Variants in IGDCC3 observed in about 807,000 individuals in gnomAD.
The protein encoded by IGDCC3 is putative neuronal cell adhesion molecule.
Under a neutral mutation model 72.0 loss-of-function variants are expected in IGDCC3, and 47 were observed. The ratio of observed to expected loss-of-function variants is 0.65; its 90% CI spans 0.52 to 0.83. IGDCC3 has a LOEUF of 0.83. IGDCC3 is among the 40% of genes least tolerant of loss of function. The probability of loss-of-function intolerance (pLI) is 0.00; values close to 1 mark genes in which losing one functional copy is unlikely to be tolerated. For missense variants in IGDCC3, 1,038 were observed against 1,091.3 expected, an observed-to-expected ratio of 0.95 and a Z score of 0.69; for synonymous variants, 477 against 472.8, an observed-to-expected ratio of 1.01 and a Z score of -0.11.
At chr15:65,375,933 G>A (rs977491598) in intron 1 of IGDCC3, among the ~76,000 whole-genome samples, 2 of 152,154 alleles carry the variant, frequency 1.3e-5, no homozygotes, top group Non-Finnish European at 2.9e-5. Context: ...CAGACTCAAA[G>A]GCACTATGAA....
chr15:65,360,102 C>T (rs1439748525), intron 2 of IGDCC3, among the ~76,000 whole-genome samples: 3 of 152,222 alleles, frequency 2.0e-5, no homozygotes, highest in African/African-American at 7.2e-5. Flanking sequence ...AAGAGATATA[C>T]TTGCTATTCC....
chr15:65,336,858 AC>A (rs1350078081), intron 2 of IGDCC3, among the ~76,000 whole-genome samples: 1 of 151,138 alleles, frequency 6.6e-6, no homozygotes, highest in Non-Finnish European at 1.5e-5. Context: ...AGCCCCTCCC[AC>A]TCGGGTTCCC....
At chr15:65,371,044 A>AACCCAC (rs1235808184) in intron 2 of IGDCC3, among the ~76,000 whole-genome samples, 1 of 152,260 alleles carries the variant, frequency 6.6e-6, no homozygotes, top group Non-Finnish European at 1.5e-5. Flanking sequence ...TTGCCACCAC[A>AACCCAC]ACCCACATTT....
intron 9 of IGDCC3, 137 bp from the exon 10 acceptor site, chr15:65,330,878 C>T: frequency 9.3e-7 from 1 of 1,077,582 alleles, no homozygotes; most frequent in Non-Finnish European, 1.3e-6. Flanking sequence ...ATGAAAGCAG[C>T]ACCTTCCTAG....
At chr15:65,345,356 C>A (rs1324770467) in intron 2 of IGDCC3, among the ~76,000 whole-genome samples, 1 of 152,070 alleles carries the variant, frequency 6.6e-6, no homozygotes, top group Non-Finnish European at 1.5e-5. Context: ...GAGTTTGAGA[C>A]CAGCTTGGGC....
In IGDCC3 at chr15:65,335,968, G is replaced by C; in HGVS notation, c.410-12C>G. On this transcript the variant is annotated splice_polypyrimidine_tract_variant and intron_variant, in intron 2 of 13. Coordinates refer to ENST00000327987, the MANE Select transcript of IGDCC3 (RefSeq NM_004884.4). Reference sequence around the variant, plus strand: ...GAAGTCCGACATGGCTGGGGGAAGAGAAGTGTATGAGTGCAGTGCGCTGCT... The same window carrying C: ...GAAGTCCGACATGGCTGGGGGAAGACAAGTGTATGAGTGCAGTGCGCTGCT... 6.2e-7 allele frequency: 1 copy of C among 1,614,010 alleles called. No homozygotes were observed. The highest frequency in any genetic ancestry group is 8.5e-7 in the Non-Finnish European group (1 of 1,179,922).
rs35238946 is a variant in IGDCC3 at position 65,358,104 on chromosome 15, A to AT, written c.409+16992dup. 4.6e-3 allele frequency among the ~76,000 whole-genome samples: 648 copies of AT among 139,860 alleles called. 4 individuals are homozygous for AT. The highest frequency in any genetic ancestry group is 0.026 in the East Asian group (126 of 4,832). 91.8% of individuals were successfully genotyped at this position (139,860 alleles called of 152,430 possible). On this transcript the variant is annotated intron_variant, in intron 2 of 13. Transcript: ENST00000327987. ...TTAGTTAGTAGCAGATCCAAGACAT[A>AT]TTTTTTTTTTTTTTTTTCTGAGACA... is the stretch of plus-strand genomic sequence containing the variant.
chr15:65,369,627 T>G (rs2091310913), intron 2 of IGDCC3, among the ~76,000 whole-genome samples: 1 of 152,056 alleles, frequency 6.6e-6, no homozygotes, highest in Non-Finnish European at 1.5e-5. Flanking sequence ...CGGGGGAGAC[T>G]TCCTCAGGCC....
intron 2 of IGDCC3, among the ~76,000 whole-genome samples, chr15:65,367,687 C>T (rs2091296510): frequency 1.3e-5 from 2 of 152,044 alleles, no homozygotes; most frequent in African/African-American, 4.8e-5. Flanking sequence ...CTCACTTCAG[C>T]TTGGTTGGGT....
rs773533250 is a variant in IGDCC3, at chr15:65,335,437, AC to A, written c.555-17del. On this transcript the variant is annotated splice_polypyrimidine_tract_variant and intron_variant, in intron 3 of 13. Coordinates refer to ENST00000327987, the MANE Select transcript of IGDCC3 (RefSeq NM_004884.4). ...CAATGTGTACCTGTTGAGGGGAGGG[AC>A]ATAGTTGGCCACCAGCACAGCCATT... 4 of 1,597,566 alleles carry A rather than the reference AC, an allele frequency of 2.5e-6. No individual in the cohort carries two copies. The East Asian group carries it at 8.9e-5, about 36-fold the overall frequency.
chr15:65,332,052 G>A lies in IGDCC3; in HGVS notation c.1037C>T (p.Thr346Ile). The A allele has an allele frequency of 1.9e-6, 3 of 1,614,186 alleles. No individual in the cohort carries two copies. Among genetic ancestry groups the A allele is most frequent in the Non-Finnish European group, 2.5e-6 (3 of 1,180,032 alleles). ...PQSISRPAGT[T>I]AMFTCQAQGE... Reference sequence around the variant, plus strand: ...CTGGGCTTGGCAGGTGAACATGGCTGTGGTCCCAGCTGGCCTGGAGATGGA... The same window carrying A: ...CTGGGCTTGGCAGGTGAACATGGCTATGGTCCCAGCTGGCCTGGAGATGGA... Residue 346 changes from threonine (T) to isoleucine (I), a missense_variant, in exon 7 of 14, where the codon ACA becomes ATA. Coordinates refer to ENST00000327987, the MANE Select transcript of IGDCC3 (RefSeq NM_004884.4).
chr15:65,365,671 CCTTAGTCT>C (rs1309242455), intron 2 of IGDCC3, among the ~76,000 whole-genome samples: 2 of 132,634 alleles, frequency 1.5e-5, no homozygotes, highest in Non-Finnish European at 3.2e-5. Flanking sequence ...CAGTCTCTCT[CCTTAGTCT>C]CTGCAGAGGC....
intron 2 of IGDCC3, among the ~76,000 whole-genome samples, chr15:65,361,928 T>TTCTGCGACCAGGGA (rs1232099421): frequency 6.6e-6 from 1 of 152,142 alleles, no homozygotes; most frequent in Admixed American, 6.5e-5. Context: ...GAGCCAGACG[T>TTCTGCGACCAGGGA]TCTGCGACCA....
intron 2 of IGDCC3, among the ~76,000 whole-genome samples, chr15:65,361,280 T>TA (rs750808008): frequency 0.027 from 3,951 of 147,776 alleles, 169 homozygotes; most frequent in African/African-American, 0.089. Flanking sequence ...ATAATAATAA[T>TA]AATAAAAAAA....
At chr15:65,367,016 G>C (rs1287844531) in intron 2 of IGDCC3, among the ~76,000 whole-genome samples, 1 of 152,228 alleles carries the variant, frequency 6.6e-6, no homozygotes, top group Non-Finnish European at 1.5e-5. Context: ...CCAGAGTGCA[G>C]CTAGATTTTG....
chr15:65,331,729 A>C, intron 7 of IGDCC3, 70 bp from the exon 8 acceptor site: 1 of 1,494,582 alleles, frequency 6.7e-7, no homozygotes, highest in African/African-American at 1.4e-5. Context: ...CATTTGAAAG[A>C]TGGAGAAACT....
intron 2 of IGDCC3, among the ~76,000 whole-genome samples, chr15:65,372,737 C>T (rs2091334533): frequency 6.6e-6 from 1 of 152,154 alleles, no homozygotes; most frequent in South Asian, 2.1e-4. Flanking sequence ...AGAAAGGCAC[C>T]CTCCTGTGTC....
In IGDCC3 at chr15:65,333,434, G is replaced by A. The variant is rs1196182334; in HGVS notation, c.824-19C>T. The A allele has an allele frequency of 8.2e-6, 13 of 1,581,926 alleles. No homozygotes were observed. Among genetic ancestry groups the A allele is most frequent in the Middle Eastern group, 1.7e-4 (1 of 5,950 alleles). On this transcript the variant is annotated intron_variant, in intron 5 of 13. Transcript: ENST00000327987. Reference sequence around the variant, plus strand: ...CGACCATCTGCAGAGGAAGGGGAGGGGGGATGGGTGAGGGTCAGATAGAGA... The same window carrying A: ...CGACCATCTGCAGAGGAAGGGGAGGAGGGATGGGTGAGGGTCAGATAGAGA...
rs146962178 is a variant in IGDCC3, at chr15:65,366,132, C to T, written c.409+8965G>A. On this transcript the variant is annotated intron_variant, in intron 2 of 13. Coordinates refer to ENST00000327987, the MANE Select transcript of IGDCC3 (RefSeq NM_004884.4). ...CTGAGGCAGGAGACTCATTTGAACC[C>T]GGGAGGTGGAGGTTGCAGTGAGCCG... 4.6e-3 allele frequency among the ~76,000 whole-genome samples: 678 copies of T among 148,850 alleles called. 5 individuals carry two copies. Among genetic ancestry groups the T allele is most frequent in the African/African-American group, 0.016 (639 of 40,482 alleles).
Sources: allele counts gnomAD v4.1 joint callset (sites outside exome capture counted in the v4.1 genomes callset), GRCh38; gene constraint gnomAD v4.1.1; transcripts MANE v1.5; gene names NCBI Gene and HGNC (gene_info 2026-07-23, HGNC 2026-07-21).